Variants in PRKN observed in about 807,000 individuals in gnomAD.
The protein encoded by PRKN is E3 ubiquitin-protein ligase parkin.
Under a neutral mutation model 59.5 loss-of-function variants are expected in PRKN, and 56 were observed. That is an observed-to-expected ratio of 0.94 (90% CI 0.76 to 1.18). The LOEUF (loss-of-function observed/expected upper bound fraction) is 1.18. Ranked by LOEUF, PRKN falls within the 50% of genes most tolerant of loss-of-function variation. The pLI, the probability that PRKN is intolerant of heterozygous loss-of-function variation, is 0.00. For synonymous variants in PRKN, 250 were observed against 222.1 expected (o/e 1.13, Z -1.12); for missense variants, 657 against 596.4 (o/e 1.10, Z -1.06).
chr6:162,500,365 G>A (rs1042231251), intron 1 of PRKN, among the ~76,000 whole-genome samples: 2 of 151,948 alleles, frequency 1.3e-5, no homozygotes, highest in African/African-American at 4.8e-5. Context: ...TAGAGACGGT[G>A]TTTTACATGT....
At chr6:162,142,504 T>C (rs1781831003) in intron 4 of PRKN, among the ~76,000 whole-genome samples, 1 of 152,208 alleles carries the variant, frequency 6.6e-6, no homozygotes, top group African/African-American at 2.4e-5. Context: ...GTCTTAGAAC[T>C]GTGGTGGGAA....
At chr6:162,458,255 C>CAAAA (rs34337589) in intron 1 of PRKN, among the ~76,000 whole-genome samples, 20 of 65,546 alleles carry the variant, frequency 3.1e-4, no homozygotes, top group African/African-American at 5.6e-4. Flanking sequence ...GACTCTATCT[C>CAAAA]AAAAAAAAAA....
In PRKN at chr6:161,874,169, ATAATATATAT is replaced by A. The variant is rs1298138780; in HGVS notation, c.735-88271_735-88262del. On this transcript the variant is annotated intron_variant, in intron 6 of 11. Coordinates refer to ENST00000366898, the MANE Select transcript of PRKN (RefSeq NM_004562.3). ...ATATAATATATATTATATATAATAT[ATAATATATAT>A]TATATATAATATATAATATATATTA... Among the ~76,000 whole-genome samples the A allele has an allele frequency of 6.4e-4, 40 of 62,608 alleles. 8 individuals are homozygous for A. The highest frequency in any genetic ancestry group is 3.1e-3 in the African/African-American group (40 of 13,044). 41.1% of individuals were successfully genotyped at this position (62,608 alleles called of 152,430 possible).
At chr6:161,847,237 G>A (rs923749450) in intron 6 of PRKN, among the ~76,000 whole-genome samples, 1 of 152,124 alleles carries the variant, frequency 6.6e-6, no homozygotes, top group Admixed American at 6.6e-5. Flanking sequence ...GAACCAGGGA[G>A]TTGGAGGTTG....
intron 6 of PRKN, among the ~76,000 whole-genome samples, chr6:161,874,284 ATAT>A (rs1167507608): frequency 2.8e-5 from 1 of 35,936 alleles, no homozygotes; most frequent in East Asian, 5.4e-4. Flanking sequence ...TATATATTAT[ATAT>A]TATATATTAC....
At chr6:162,414,101 C>T (rs997981625) in intron 2 of PRKN, among the ~76,000 whole-genome samples, 2 of 151,398 alleles carry the variant, frequency 1.3e-5, no homozygotes, top group African/African-American at 2.4e-5. Context: ...GAGAATTGCC[C>T]GAACCTGGGA....
chr6:162,308,912 T>C (rs1482469355), intron 2 of PRKN, among the ~76,000 whole-genome samples: 1 of 152,078 alleles, frequency 6.6e-6, no homozygotes, highest in Non-Finnish European at 1.5e-5. Flanking sequence ...AGCATAGTTA[T>C]TCAACTAAGA....
intron 5 of PRKN, among the ~76,000 whole-genome samples, chr6:162,005,511 GCTCT>G (rs149229669): frequency 6.6e-6 from 1 of 151,144 alleles, no homozygotes; most frequent in Non-Finnish European, 1.5e-5. Flanking sequence ...GCACATGCTT[GCTCT>G]CTCTCTCTGT....
chr6:161,939,442 A>AAAAAAC (rs1562403702), intron 6 of PRKN, among the ~76,000 whole-genome samples: 1 of 149,476 alleles, frequency 6.7e-6, no homozygotes, highest in African/African-American at 2.5e-5. Flanking sequence ...AAAAAAAAAA[A>AAAAAAC]ATACCGTCGT....
chr6:162,513,813 G>A (rs1319296900), intron 1 of PRKN, among the ~76,000 whole-genome samples: 1 of 152,076 alleles, frequency 6.6e-6, no homozygotes, highest in African/African-American at 2.4e-5. Flanking sequence ...CAGCACTTTG[G>A]GAGGCTGAGG....
Position 161,973,358 on chromosome 6 carries a change from C to T in PRKN, c.678G>A (p.Leu226=). The change falls in exon 6 of 12, where the codon TTG becomes TTA. Residue 226 remains leucine, a synonymous_variant. Transcript: ENST00000366898. ...PTSDKETSVA[L]HLIATNSRNI... ...TCCGACTATTTGTTGCGATCAGGTG[C>T]AAAGCTACTGATGTTTCCTTGTCAG... The T allele has an allele frequency of 6.2e-7, 1 of 1,614,010 alleles. No individual in the cohort carries two copies. Among genetic ancestry groups the T allele is most frequent in the South Asian group, 1.1e-5 (1 of 91,078 alleles).
Position 161,603,424 on chromosome 6 carries a change from T to C in PRKN, c.872-34008A>G, listed in dbSNP as rs1782173865. 3.3e-5 allele frequency among the ~76,000 whole-genome samples: 5 copies of C among 152,214 alleles called. 1 individual carries two copies. Among genetic ancestry groups the C allele is most frequent in the African/African-American group, 9.6e-5 (4 of 41,464 alleles). ...TAGCCAATTACATAATTTATTTGCTTCCAAATTTATCCTATAAAAGCTTTC... is the reference window on the plus strand; with the variant it reads ...TAGCCAATTACATAATTTATTTGCTCCCAAATTTATCCTATAAAAGCTTTC... On this transcript the variant is annotated intron_variant, in intron 7 of 11. Coordinates refer to ENST00000366898, the MANE Select transcript of PRKN (RefSeq NM_004562.3).
At chr6:161,951,332 G>C (rs1779982785) in intron 6 of PRKN, among the ~76,000 whole-genome samples, 1 of 152,266 alleles carries the variant, frequency 6.6e-6, no homozygotes, top group South Asian at 2.1e-4. Flanking sequence ...TTTAATCTCA[G>C]CAATGTGCTA....
chr6:162,218,448 G>A (rs1484386555), intron 3 of PRKN, among the ~76,000 whole-genome samples: 2 of 152,174 alleles, frequency 1.3e-5, no homozygotes, highest in Non-Finnish European at 2.9e-5. Flanking sequence ...GAGTCCTGCT[G>A]AGCATGGCAG....
intron 2 of PRKN, among the ~76,000 whole-genome samples, chr6:162,301,349 C>T (rs542116570): frequency 6.6e-6 from 1 of 152,176 alleles, no homozygotes; most frequent in East Asian, 1.9e-4. Flanking sequence ...CTTCTGATTG[C>T]CTTTCACTCA....
rs142469776 is a variant in PRKN at position 162,456,007 on chromosome 6, A to G, written c.8-12534T>C. Among the ~76,000 whole-genome samples, 151 of 152,240 alleles carry G rather than the reference A, an allele frequency of 9.9e-4. 7 individuals are homozygous for G. The East Asian group carries it at 0.028, about 28-fold the overall frequency. On this transcript the variant is annotated intron_variant, in intron 1 of 11. Coordinates refer to ENST00000366898, the MANE Select transcript of PRKN (RefSeq NM_004562.3). Reference sequence around the variant, plus strand: ...ATTTTGTCCAAGTAATTAGCTTCAAATTCTTTATTTTCAACAAAATTAAAG... The same window carrying G: ...ATTTTGTCCAAGTAATTAGCTTCAAGTTCTTTATTTTCAACAAAATTAAAG...
chr6:162,111,966 G>A (rs1295869256), intron 4 of PRKN, among the ~76,000 whole-genome samples: 6 of 152,270 alleles, frequency 3.9e-5, no homozygotes, highest in South Asian at 4.1e-4. Flanking sequence ...ATCAAAATGC[G>A]CTACTGAAGT....
chr6:162,430,966 T>A (rs1329818162), intron 2 of PRKN, among the ~76,000 whole-genome samples: 1 of 152,088 alleles, frequency 6.6e-6, no homozygotes, highest in African/African-American at 2.4e-5. Context: ...GGAAGCAAAT[T>A]CCAGTTGTGT....
intron 9 of PRKN, among the ~76,000 whole-genome samples, chr6:161,392,062 C>A (rs1229834277): frequency 2.0e-5 from 3 of 151,928 alleles, no homozygotes; most frequent in Non-Finnish European, 2.9e-5. Context: ...TCCTGCTGGT[C>A]TGGTCTCTCT....
Sources: allele counts gnomAD v4.1 joint callset (sites outside exome capture counted in the v4.1 genomes callset), GRCh38; gene constraint gnomAD v4.1.1; transcripts MANE v1.5; gene names NCBI Gene and HGNC (gene_info 2026-07-23, HGNC 2026-07-21).